Variants in FBXO17 observed in about 807,000 individuals in gnomAD.
The protein encoded by FBXO17 is F-box only protein 17.
In FBXO17, 43 loss-of-function variants were observed where a neutral mutation model predicts 34.1. The observed-to-expected ratio is 1.26, with a 90% confidence interval of 0.99 to 1.62. The LOEUF (loss-of-function observed/expected upper bound fraction) is 1.62, where lower values mean the gene tolerates loss of function less well. Ranked by LOEUF, FBXO17 falls within the 40% of genes most tolerant of loss-of-function variation. The pLI, the probability that FBXO17 is intolerant of heterozygous loss-of-function variation, is 0.00. For missense variants in FBXO17, 424 were observed against 386.7 expected (o/e 1.10, Z -0.81); for synonymous variants, 169 against 166.0 (o/e 1.02, Z -0.14).
At chr19:38,974,496 G>A (rs1975435785) in intron 1 of FBXO17, among the ~76,000 whole-genome samples, 1 of 152,280 alleles carries the variant, frequency 6.6e-6, no homozygotes, top group South Asian at 2.1e-4. Context: ...ATTATTTTAT[G>A]TTAGAAAAGT....
At chr19:38,967,505 T>C (rs749801195) in intron 1 of FBXO17, among the ~76,000 whole-genome samples, 1 of 151,344 alleles carries the variant, frequency 6.6e-6, no homozygotes, top group Non-Finnish European at 1.5e-5. Flanking sequence ...CCAAAGAACA[T>C]ATACAAATGA....
chr19:38,961,321 G>A (rs960055923), intron 1 of FBXO17, among the ~76,000 whole-genome samples: 2 of 141,778 alleles, frequency 1.4e-5, no homozygotes, highest in Non-Finnish European at 3.0e-5. Flanking sequence ...TGTCACCCAG[G>A]CTGGAGTGCA....
At chr19:38,959,846 T>G (rs952041378) in intron 1 of FBXO17, among the ~76,000 whole-genome samples, 8 of 152,034 alleles carry the variant, frequency 5.3e-5, no homozygotes, top group Admixed American at 5.3e-4. Context: ...CAGTGAGCTA[T>G]GATTGCACTA....
At chr19:38,955,218 A>C (rs1204180603) in intron 1 of FBXO17, among the ~76,000 whole-genome samples, 1 of 151,966 alleles carries the variant, frequency 6.6e-6, no homozygotes, top group Non-Finnish European at 1.5e-5. Context: ...GGCGTGAGCC[A>C]CTGCAACTGG....
intron 1 of FBXO17, among the ~76,000 whole-genome samples, chr19:38,953,853 G>A: frequency 6.6e-6 from 1 of 152,112 alleles, no homozygotes; most frequent in East Asian, 1.9e-4. Flanking sequence ...GTCACAGCAG[G>A]AGAACGGGTG....
At position 38,952,589 on chromosome 19, in the gene FBXO17, T is replaced by C. The variant is rs201095586; in HGVS notation, c.-17-2253A>G. On this transcript the variant is annotated intron_variant, in intron 1 of 5. Coordinates refer to ENST00000292852, the MANE Select transcript of FBXO17 (RefSeq NM_024907.7). ...CATCACTACCTTGCTTCATGCGTCA[T>C]CTGCTGACCCAGATCATGACTCCTC... The C allele has an allele frequency of 2.5e-3, 1,337 of 534,518 alleles. 19 individuals are homozygous for C. Among genetic ancestry groups the C allele is most frequent in the South Asian group, 0.015 (1,093 of 71,586 alleles). The allele number at this position is 534,518 out of a possible 1,614,324, so 33.1% of individuals were successfully genotyped here.
intron 1 of FBXO17, 146 bp from the exon 2 acceptor site, chr19:38,950,482 T>C: frequency 8.5e-7 from 1 of 1,182,228 alleles, no homozygotes; most frequent in Non-Finnish European, 1.1e-6. Context: ...TCTCTGATCC[T>C]AGGCCTTTCC....
chr19:38,942,774 A>G (rs1226572993), intron 5 of FBXO17, 23 bp from the exon 6 acceptor site: 3 of 1,591,976 alleles, frequency 1.9e-6, no homozygotes, highest in Admixed American at 1.8e-5. Flanking sequence ...GGGGAGTGAG[A>G]GGGTGAGGGC....
intron 1 of FBXO17, among the ~76,000 whole-genome samples, chr19:38,958,126 T>C (rs548296974): frequency 9.2e-4 from 137 of 149,186 alleles, no homozygotes; most frequent in Non-Finnish European, 6.1e-4. Flanking sequence ...AAAAAAAAGT[T>C]TGTGGCCAGT....
At chr19:38,962,787 G>A (rs1466798871) in intron 1 of FBXO17, among the ~76,000 whole-genome samples, 2 of 151,750 alleles carry the variant, frequency 1.3e-5, no homozygotes, top group Admixed American at 1.3e-4. Context: ...CAAGATCTCG[G>A]CTCACCGCAA....
In FBXO17 at chr19:38,941,750, C is replaced by T. The variant is rs1383270381; in HGVS notation, c.*858G>A. 6.6e-6 allele frequency: 1 copy of T among 152,198 alleles called. No individual in the cohort carries two copies. Among genetic ancestry groups the T allele is most frequent in the Non-Finnish European group, 1.5e-5 (1 of 68,042 alleles). The allele number at this position is 152,198 out of a possible 1,614,324, so 9.4% of individuals were successfully genotyped here. On this transcript the variant is annotated 3_prime_UTR_variant, in exon 6 of 6. Transcript: ENST00000292852. ...TTCAGGGTGGGGGTCATGGCCATCA[C>T]AAACATGTCACAGTGCTGCAGATAT...
chr19:38,950,086 A>T lies in FBXO17; in HGVS notation c.234T>A (p.Ala78=), dbSNP rs1382585431. The change falls in exon 2 of 6, where the codon GCT becomes GCA. Residue 78 remains alanine (A), a synonymous_variant. Transcript: ENST00000292852. ...SAEGRALYAV[A]QRCLPSNEDK... ...CTTCGTTGCTGGGCAGGCAGCGTTG[A>T]GCCACTGCGTAGAGTGCGCGGCCCT... 1 of 1,566,942 alleles carries T rather than the reference A, an allele frequency of 6.4e-7. No individual in the cohort carries two copies. The highest frequency in any genetic ancestry group is 8.6e-7 in the Non-Finnish European group (1 of 1,157,832).
chr19:38,966,578 G>C (rs1446696505), intron 1 of FBXO17, among the ~76,000 whole-genome samples: 3 of 152,074 alleles, frequency 2.0e-5, no homozygotes, highest in Non-Finnish European at 2.9e-5. Flanking sequence ...ACTATAAAAG[G>C]AAGAATGTCT....
chr19:38,947,929 A>T lies in FBXO17; in HGVS notation c.461+638T>A, dbSNP rs567005741. Among the ~76,000 whole-genome samples, 46 of 148,704 alleles carry T rather than the reference A, an allele frequency of 3.1e-4. 1 individual carries two copies. Among genetic ancestry groups the T allele is most frequent in the Non-Finnish European group, 3.4e-4 (23 of 67,376 alleles). Reference sequence around the variant, plus strand: ...ATGTCACAGGGTTGTTGCCAGAATTATATGTAAAGTGTCTAGTATAGAGTA... The same window carrying T: ...ATGTCACAGGGTTGTTGCCAGAATTTTATGTAAAGTGTCTAGTATAGAGTA... On this transcript the variant is annotated intron_variant, in intron 3 of 5. Transcript: ENST00000292852.
chr19:38,955,604 C>A (rs918821923), intron 1 of FBXO17, among the ~76,000 whole-genome samples: 1 of 151,586 alleles, frequency 6.6e-6, no homozygotes. Context: ...GTGCCTCAGC[C>A]TCCTGATTAG....
intron 1 of FBXO17, among the ~76,000 whole-genome samples, chr19:38,974,041 T>C (rs1416550072): frequency 2.0e-5 from 3 of 147,800 alleles, no homozygotes; most frequent in African/African-American, 7.4e-5. Context: ...TACATATATA[T>C]ATATACACAT....
In FBXO17 at chr19:38,950,148, C is replaced by A; in HGVS notation, c.172G>T (p.Val58Leu). The A allele has an allele frequency of 6.4e-7, 1 of 1,563,234 alleles. No individual in the cohort carries two copies. Among genetic ancestry groups the A allele is most frequent in the Non-Finnish European group, 8.6e-7 (1 of 1,159,244 alleles). Residue 58 changes from valine (V) to leucine (L), a missense_variant, in exon 2 of 6, where the codon GTG (valine) becomes TTG (leucine). By Grantham distance (32) the Val-to-Leu change is conservative. Coordinates refer to ENST00000292852, the MANE Select transcript of FBXO17 (RefSeq NM_024907.7). ...AWRDIVDGPTVWLLQLARDRS... is the reference protein window; with the variant it reads ...AWRDIVDGPTLWLLQLARDRS... The stretch of plus-strand genomic sequence containing the variant: ...TCGCGGGCCAGCTGCAGCAGCCACA[C>A]AGTGGGCCCGTCCACTATGTCGCGC...
intron 1 of FBXO17, among the ~76,000 whole-genome samples, chr19:38,974,239 G>A (rs1040784602): frequency 6.6e-6 from 1 of 151,448 alleles, no homozygotes; most frequent in Non-Finnish European, 1.5e-5. Context: ...CTACCACCAC[G>A]CCTGGCTAAT....
At chr19:38,952,694 A>G (rs1600193886) in intron 1 of FBXO17, 1 of 526,070 alleles carries the variant, frequency 1.9e-6, no homozygotes, top group Admixed American at 2.0e-5. Context: ...CTATAACCAG[A>G]TAGTTCTTCC....
Sources: gnomAD v4.1 joint callset for allele counts (sites outside exome capture counted in the v4.1 genomes callset) on GRCh38, gnomAD v4.1.1 for gene constraint, MANE v1.5 for transcripts, NCBI Gene and HGNC (gene_info 2026-07-23, HGNC 2026-07-21) for gene names.